OTC: variants seen among roughly 807,000 people sequenced by gnomAD.
The protein encoded by OTC is ornithine transcarbamylase.
Under a neutral mutation model 30.3 loss-of-function variants are expected in OTC, and 3 were observed. That is an observed-to-expected ratio of 0.10 (90% confidence interval 0.05 to 0.26). The LOEUF is 0.26. Ranked by LOEUF, OTC falls within the 10% of genes least tolerant of loss-of-function variation. OTC has a pLI of 1.00. For missense variants in OTC, 194 were observed against 260.3 expected, an observed-to-expected ratio of 0.75 and a Z score of 1.75; for synonymous variants, 111 against 99.7, an observed-to-expected ratio of 1.11 and a Z score of -0.67.
At chrX:38,380,722 AT>A (rs1295338391) in intron 3 of OTC, among the ~76,000 whole-genome samples, 1 of 111,785 alleles carries the variant, frequency 8.9e-6, no homozygotes, top group Non-Finnish European at 1.9e-5. Context: ...AGCGTCATAT[AT>A]TTTATTTTAT....
chrX:38,389,698 A>G (rs1432293596), intron 4 of OTC, among the ~76,000 whole-genome samples: 1 of 111,348 alleles, frequency 9.0e-6, no homozygotes, highest in East Asian at 2.8e-4. Context: ...TCTTAGAGGC[A>G]GTGTACCAGA....
chrX:38,382,852 C>T (rs1310707882), intron 4 of OTC, among the ~76,000 whole-genome samples: 6 of 111,809 alleles, frequency 5.4e-5, no homozygotes, highest in African/African-American at 9.7e-5. Context: ...GGAGGAACAG[C>T]TGAGCATCCA....
At chrX:38,349,863 C>T (rs1491004181), upstream of OTC, among the ~76,000 whole-genome samples, 2 of 111,629 alleles carry the variant, frequency 1.8e-5, no homozygotes, top group African/African-American at 6.5e-5. Context: ...GTTTTCATAG[C>T]GTGCTTGGTG....
chrX:38,367,375 A>C lies in OTC; in HGVS notation c.162A>C (p.Lys54Asn). The C allele has an allele frequency of 4.2e-6, 5 of 1,199,515 alleles. No individual in the cohort carries two copies. The highest frequency in any genetic ancestry group is 5.7e-6 in the Non-Finnish European group (5 of 884,348). ...AAAACTTTACCGGAGAAGAAATTAAATATATGCTATGGCTATCAGCAGATC... is the reference window on the plus strand; with the variant it reads ...AAAACTTTACCGGAGAAGAAATTAACTATATGCTATGGCTATCAGCAGATC... ...TLKNFTGEEI[K>N]YMLWLSADLK... Residue 54 changes from lysine to asparagine, a missense_variant, in exon 2 of 10, where the codon AAA becomes AAC. Lys to Asn is a moderately conservative substitution (Grantham distance 94). Transcript: ENST00000039007.
At chrX:38,369,909 G>A (rs1247587014) in intron 3 of OTC, 32 bp downstream of exon 3, 2 of 1,000,537 alleles carry the variant, frequency 2.0e-6, no homozygotes, top group East Asian at 6.1e-5. Flanking sequence ...CACTTGTGTT[G>A]AAGAGAGGGA....
intron 1 of OTC, among the ~76,000 whole-genome samples, chrX:38,364,111 G>A (rs759982543): frequency 1.1e-4 from 12 of 111,771 alleles, no homozygotes; most frequent in Admixed American, 4.8e-4. Flanking sequence ...GGGTGACAGA[G>A]TGAAACTCCA....
intron 1 of OTC, among the ~76,000 whole-genome samples, chrX:38,361,195 C>T (rs1001021878): frequency 4.5e-5 from 5 of 111,591 alleles, no homozygotes; most frequent in Non-Finnish European, 9.4e-5. Context: ...ATCCCAGCTA[C>T]TCAGGAGGCT....
chrX:38,380,510 C>A (rs1289304908), intron 3 of OTC, among the ~76,000 whole-genome samples: 1 of 111,528 alleles, frequency 9.0e-6, no homozygotes, highest in Non-Finnish European at 1.9e-5. Flanking sequence ...TGGATGTCAC[C>A]ATCTCCCATA....
chrX:38,400,273 G>GA (rs775560949), intron 4 of OTC, among the ~76,000 whole-genome samples: 84 of 111,148 alleles, frequency 7.6e-4, no homozygotes, highest in African/African-American at 2.5e-3. Context: ...TTAAAAATTA[G>GA]AAAAAATCTG....
At chrX:38,353,859 A>G (rs1025210217) in intron 1 of OTC, among the ~76,000 whole-genome samples, 2 of 112,020 alleles carry the variant, frequency 1.8e-5, no homozygotes, top group African/African-American at 6.5e-5. Context: ...CAGCTCAAAT[A>G]TTCAATTGAA....
intron 1 of OTC, among the ~76,000 whole-genome samples, chrX:38,360,764 T>C (rs749672764): frequency 4.4e-4 from 50 of 112,519 alleles, no homozygotes; most frequent in Non-Finnish European, 8.8e-4. Context: ...CAACATGGCA[T>C]ATTAATTATG....
At chrX:38,328,147 T>C in the OTC span, among the ~76,000 whole-genome samples, 114 of 112,457 alleles carry the variant, frequency 1.0e-3, no homozygotes, top group Non-Finnish European at 1.5e-3. Flanking sequence ...AGCGATGTTA[T>C]ATGATGCAGG....
intron 1 of OTC, among the ~76,000 whole-genome samples, chrX:38,363,700 G>A (rs1163911672): frequency 8.9e-6 from 1 of 111,867 alleles, no homozygotes; most frequent in East Asian, 2.8e-4. Flanking sequence ...TGCTGACTAT[G>A]ATGGAGATAT....
At chrX:38,354,842 A>T (rs1012916465) in intron 1 of OTC, among the ~76,000 whole-genome samples, 1 of 111,989 alleles carries the variant, frequency 8.9e-6, no homozygotes, top group Non-Finnish European at 1.9e-5. Flanking sequence ...ACTACCTGTC[A>T]GCTAGATAAA....
chrX:38,348,016 C>T (rs1037810996), upstream of OTC, among the ~76,000 whole-genome samples: 1 of 112,305 alleles, frequency 8.9e-6, no homozygotes, highest in East Asian at 2.8e-4. Flanking sequence ...TTTATATCCC[C>T]AATAGCAACA....
In OTC at chrX:38,383,091, G is replaced by GT. The variant is rs369396425; in HGVS notation, c.386+1674dup. Among the ~76,000 whole-genome samples, 966 of 103,783 alleles carry GT rather than the reference G, an allele frequency of 9.3e-3. 18 individuals carry two copies. The highest frequency in any genetic ancestry group is 0.057 in the Admixed American group (550 of 9,657). The allele number at this position is 103,783 out of a possible 115,157, so 90.1% of individuals were successfully genotyped here. A position where few individuals can be genotyped will look rare whatever the true frequency, so the allele number is the denominator to read the frequency against. ...TGCTGAGCAAAACAGTCTGCTTACA[G>GT]TTTTTTTTTTTTGTTACAAGTTCCA... On this transcript the variant is annotated intron_variant, in intron 4 of 9. Coordinates refer to ENST00000039007, the MANE Select transcript of OTC (RefSeq NM_000531.6).
At chrX:38,357,855 A>G (rs750376065) in intron 1 of OTC, among the ~76,000 whole-genome samples, 16 of 112,354 alleles carry the variant, frequency 1.4e-4, no homozygotes, top group African/African-American at 5.2e-4. Context: ...AAATGAATAT[A>G]AGGAACTAGA....
chrX:38,356,989 A>C (rs1005496605), intron 1 of OTC, among the ~76,000 whole-genome samples: 3 of 111,485 alleles, frequency 2.7e-5, no homozygotes, highest in Non-Finnish European at 3.8e-5. Context: ...TTTCTTTTGC[A>C]TGCATTCTAA....
intron 9 of OTC, among the ~76,000 whole-genome samples, chrX:38,413,520 A>G (rs2068553737): frequency 9.0e-6 from 1 of 111,188 alleles, no homozygotes; most frequent in African/African-American, 3.3e-5. Flanking sequence ...TCAGGACACT[A>G]ACTTTGGCCA....
Sources: gnomAD v4.1 joint callset for allele counts (sites outside exome capture counted in the v4.1 genomes callset) on GRCh38, gnomAD v4.1.1 for gene constraint, MANE v1.5 for transcripts, NCBI Gene and HGNC (gene_info 2026-07-23, HGNC 2026-07-21) for gene names.